The following ATRNL1 variants were observed in gnomAD, a reference collection of about 807,000 sequenced individuals.
ATRNL1 encodes attractin like 1.
Under a neutral mutation model 182.7 loss-of-function variants are expected in ATRNL1, and 95 were observed. That is an observed-to-expected ratio of 0.52 (90% CI 0.44 to 0.62). ATRNL1 has a LOEUF of 0.62. Among genes scored for constraint, ATRNL1 ranks in the 20% least tolerant of loss-of-function variants. ATRNL1 has a pLI of 0.00. For missense variants in ATRNL1, 1,471 were observed against 1,679.5 expected (o/e 0.88, Z 2.17); for synonymous variants, 576 against 568.3 (o/e 1.01, Z -0.19).
intron 19 of ATRNL1, among the ~76,000 whole-genome samples, chr10:115,353,471 A>C (rs960408853): frequency 4.6e-5 from 7 of 152,096 alleles, no homozygotes; most frequent in African/African-American, 1.7e-4. Context: ...AGCTAAAGTA[A>C]ATTTCTTATG....
intron 27 of ATRNL1, among the ~76,000 whole-genome samples, chr10:115,820,910 G>T (rs1950279550): frequency 6.6e-6 from 1 of 152,126 alleles, no homozygotes; most frequent in African/African-American, 2.4e-5. Context: ...GACCTGGTGG[G>T]AGGTGATGGG....
At chr10:115,790,056 T>G (rs1949491041) in intron 27 of ATRNL1, among the ~76,000 whole-genome samples, 1 of 152,214 alleles carries the variant, frequency 6.6e-6, no homozygotes, top group Admixed American at 6.5e-5. Flanking sequence ...GATATTTGTA[T>G]TCCATTAAAT....
intron 26 of ATRNL1, among the ~76,000 whole-genome samples, chr10:115,669,918 T>C (rs1185131416): frequency 6.6e-6 from 1 of 152,078 alleles, no homozygotes; most frequent in African/African-American, 2.4e-5. Context: ...TAGAGGTGTT[T>C]TTAACAGCTC....
chr10:115,447,546 G>T (rs1276192929), intron 21 of ATRNL1, among the ~76,000 whole-genome samples: 1 of 151,698 alleles, frequency 6.6e-6, no homozygotes, highest in African/African-American at 2.4e-5. Flanking sequence ...TACATACTCT[G>T]TGAATCCTAC....
At chr10:115,480,492 A>C (rs1445188889) in intron 24 of ATRNL1, among the ~76,000 whole-genome samples, 1 of 151,096 alleles carries the variant, frequency 6.6e-6, no homozygotes, top group African/African-American at 2.4e-5. Context: ...TTTGTCATTT[A>C]ACCAACCAAG....
intron 25 of ATRNL1, among the ~76,000 whole-genome samples, chr10:115,528,180 T>C (rs1231972572): frequency 6.6e-6 from 1 of 150,642 alleles, no homozygotes; most frequent in Non-Finnish European, 1.5e-5. Context: ...TCCTTTTCAC[T>C]TTTTGGGAAA....
At chr10:115,906,392 A>G (rs1004326366) in intron 28 of ATRNL1, among the ~76,000 whole-genome samples, 1 of 152,132 alleles carries the variant, frequency 6.6e-6, no homozygotes, top group Non-Finnish European at 1.5e-5. Flanking sequence ...GGGAATGATT[A>G]TATATACCTC....
intron 26 of ATRNL1, among the ~76,000 whole-genome samples, chr10:115,648,128 A>G (rs1228420408): frequency 2.0e-5 from 3 of 152,088 alleles, no homozygotes; most frequent in Non-Finnish European, 4.4e-5. Context: ...TACAAAATCA[A>G]TGTGCAAAAA....
Position 115,241,665 on chromosome 10 carries a change from G to A in ATRNL1, c.1627G>A (p.Asp543Asn). ...MLIFGGNTHN[D>N]TSLSNGAKCF... ...TATTTTTGGAGGAAATACCCATAATGACACTTCCTTGAGTAACGGTGCAAA... is the reference window on the plus strand; with the variant it reads ...TATTTTTGGAGGAAATACCCATAATAACACTTCCTTGAGTAACGGTGCAAA... The change falls in exon 10 of 29, where the codon GAC becomes AAC. Residue 543 changes from aspartate to asparagine, a missense_variant. Asp to Asn is a conservative substitution (Grantham distance 23, BLOSUM62 1). Around this residue, in one of 3 missense-constraint regions of ATRNL1, gnomAD observed 1,031 missense variants for 1,156.0 expected, o/e 0.89. Coordinates refer to ENST00000355044, the MANE Select transcript of ATRNL1 (RefSeq NM_207303.4). 6.2e-7 allele frequency: 1 copy of A among 1,611,530 alleles called. No homozygotes were observed. Among genetic ancestry groups the A allele is most frequent in the Non-Finnish European group, 8.5e-7 (1 of 1,178,278 alleles).
intron 15 of ATRNL1, among the ~76,000 whole-genome samples, chr10:115,290,045 C>G (rs1293934366): frequency 6.8e-6 from 1 of 147,334 alleles, no homozygotes; most frequent in South Asian, 2.1e-4. Flanking sequence ...TTTGGATACT[C>G]TTCAATTTCT....
At chr10:115,292,397 A>G (rs1852961516) in intron 15 of ATRNL1, among the ~76,000 whole-genome samples, 1 of 151,220 alleles carries the variant, frequency 6.6e-6, no homozygotes, top group Non-Finnish European at 1.5e-5. Flanking sequence ...TCCTTCTTCT[A>G]ATTTTGGATT....
intron 19 of ATRNL1, among the ~76,000 whole-genome samples, chr10:115,359,095 A>C (rs555096180): frequency 1.3e-5 from 2 of 151,758 alleles, no homozygotes; most frequent in East Asian, 3.9e-4. Context: ...CAGCCTAAAA[A>C]CTTGTCATAA....
At chr10:115,625,477 A>G (rs1858035647) in intron 26 of ATRNL1, among the ~76,000 whole-genome samples, 1 of 152,184 alleles carries the variant, frequency 6.6e-6, no homozygotes, top group South Asian at 2.1e-4. Flanking sequence ...AAGAAAAATC[A>G]CTATTGTTGC....
intron 27 of ATRNL1, among the ~76,000 whole-genome samples, chr10:115,786,088 C>T (rs1555080372): frequency 6.6e-6 from 1 of 152,180 alleles, no homozygotes; most frequent in African/African-American, 2.4e-5. Flanking sequence ...CAGCTTCCCT[C>T]ATTCCTTTTT....
chr10:115,528,709 T>C (rs1851390314), intron 25 of ATRNL1, among the ~76,000 whole-genome samples: 1 of 152,120 alleles, frequency 6.6e-6, no homozygotes, highest in Non-Finnish European at 1.5e-5. Flanking sequence ...GTTCAAGTTG[T>C]AAAGTTAAGT....
intron 28 of ATRNL1, among the ~76,000 whole-genome samples, chr10:115,873,186 C>A (rs1555106506): frequency 6.6e-6 from 1 of 152,172 alleles, no homozygotes; most frequent in African/African-American, 2.4e-5. Flanking sequence ...ATAACTTCTA[C>A]CTGTACTGTC....
At chr10:115,588,755 G>A (rs1855730215) in intron 26 of ATRNL1, among the ~76,000 whole-genome samples, 1 of 152,106 alleles carries the variant, frequency 6.6e-6, no homozygotes, top group Non-Finnish European at 1.5e-5. Flanking sequence ...CTCTCAACTA[G>A]TTTCTGGTTT....
intron 8 of ATRNL1, among the ~76,000 whole-genome samples, chr10:115,204,577 G>A (rs1252217929): frequency 5.3e-5 from 8 of 151,986 alleles, no homozygotes; most frequent in South Asian, 4.1e-4. Flanking sequence ...TGTTAATGTG[G>A]TGTATCACAT....
intron 26 of ATRNL1, among the ~76,000 whole-genome samples, chr10:115,595,981 T>A (rs1296773444): frequency 2.6e-5 from 4 of 152,202 alleles, no homozygotes; most frequent in Non-Finnish European, 5.9e-5. Context: ...TGTTCCAAGT[T>A]TTCATCTCTG....
Sources: gnomAD v4.1 joint callset for allele counts (sites outside exome capture counted in the v4.1 genomes callset) on GRCh38, gnomAD v4.1.1 for gene constraint, gnomAD v4.1.1 regional missense constraint, MANE v1.5 for transcripts, NCBI Gene and HGNC (gene_info 2026-07-23, HGNC 2026-07-21) for gene names.